Variants in COQ8B observed in about 807,000 individuals in gnomAD.
COQ8B encodes the protein atypical kinase COQ8B, mitochondrial.
In COQ8B, 44 loss-of-function variants were observed where a neutral mutation model predicts 62.0. That is an observed-to-expected ratio of 0.71 (90% CI 0.56 to 0.91). COQ8B has a LOEUF of 0.91. Among genes scored for constraint, COQ8B ranks in the 40% least tolerant of loss-of-function variants. COQ8B has a pLI of 0.00. For synonymous variants in COQ8B, 252 were observed against 289.9 expected (o/e 0.87, Z 1.33); for missense variants, 649 against 731.6 (o/e 0.89, Z 1.30).
intron 13 of COQ8B, 90 bp downstream of exon 13, chr19:40,695,899 G>A (rs1011578995): frequency 7.7e-7 from 1 of 1,305,794 alleles, no homozygotes; most frequent in Non-Finnish European, 1.1e-6. Context: ...CTTAATTCCA[G>A]AAACTGCATT....
At chr19:40,715,288 G>A (rs959982298) in intron 1 of COQ8B, 1 of 986,026 alleles carries the variant, frequency 1.0e-6, no homozygotes, top group Non-Finnish European at 1.2e-6. Flanking sequence ...GAGGCATCGC[G>A]GGAGCGCAAG....
At chr19:40,703,929 A>T in intron 7 of COQ8B, 74 bp from the exon 8 acceptor site, 1 of 1,516,034 alleles carries the variant, frequency 6.6e-7, no homozygotes, top group South Asian at 1.3e-5. Context: ...ACGTGTTGAT[A>T]ACCCCAGCAC....
chr19:40,714,977 G>C (rs866561938), intron 1 of COQ8B: 1 of 1,042,018 alleles, frequency 9.6e-7, no homozygotes, highest in Non-Finnish European at 1.2e-6. Flanking sequence ...GGCCCTGTAG[G>C]CACCCGCAAT....
chr19:40,695,380 A>G (rs1392878044), intron 13 of COQ8B, among the ~76,000 whole-genome samples: 1 of 149,486 alleles, frequency 6.7e-6, no homozygotes, highest in Non-Finnish European at 1.5e-5. Context: ...TGATGGCTAC[A>G]TGATTAGAGG....
At chr19:40,698,683 A>C (rs1474848196) in intron 12 of COQ8B, among the ~76,000 whole-genome samples, 1 of 152,122 alleles carries the variant, frequency 6.6e-6, no homozygotes, top group African/African-American at 2.4e-5. Context: ...GAGGCAAGGG[A>C]CTAGGGCTGG....
chr19:40,712,554 C>T (rs58646265), intron 4 of COQ8B, among the ~76,000 whole-genome samples: 161 of 152,132 alleles, frequency 1.1e-3, no homozygotes, highest in African/African-American at 3.7e-3. Context: ...TGCCACTGCA[C>T]TCCAGTCTGG....
intron 13 of COQ8B, 52 bp downstream of exon 13, chr19:40,695,937 T>C (rs1461327740): frequency 5.1e-6 from 8 of 1,571,092 alleles, no homozygotes; most frequent in Non-Finnish European, 7.0e-6. Flanking sequence ...TGCCTCAGTA[T>C]ATGGCTTGAG....
At chr19:40,705,294 CA>C in intron 6 of COQ8B, 30 bp downstream of exon 6, 1 of 1,585,166 alleles carries the variant, frequency 6.3e-7, no homozygotes, top group East Asian at 2.3e-5. Flanking sequence ...GAAGGGAGGT[CA>C]GGGGTCAGGA....
chr19:40,715,228 TG>T (rs775683736), intron 1 of COQ8B: 273 of 985,436 alleles, frequency 2.8e-4, no homozygotes, highest in Non-Finnish European at 3.2e-4. Context: ...GCCCTAGCGA[TG>T]GAGCCTGGAA....
Position 40,703,351 on chromosome 19 carries a change from A to G in COQ8B, c.799+190T>C, listed in dbSNP as rs116796128. On this transcript the variant is annotated intron_variant, in intron 9 of 14. Coordinates refer to ENST00000324464, the MANE Select transcript of COQ8B (RefSeq NM_024876.4). ...TCTCTCTAAGGCTCTGTTAAAATCC[A>G]TAAGGCTTTTCCCACACCTGCTCAT... 0.034 allele frequency: 20,645 copies of G among 609,612 alleles called. 441 individuals carry two copies. The highest frequency in any genetic ancestry group is 0.068 in the African/African-American group (3,650 of 53,834). 37.8% of individuals were successfully genotyped at this position (609,612 alleles called of 1,614,324 possible).
rs1218126480 is a variant in COQ8B at position 40,702,945 on chromosome 19, C to G, written c.800-252G>C. Among the ~76,000 whole-genome samples, 3 of 148,218 alleles carry G rather than the reference C, an allele frequency of 2.0e-5. No individual in the cohort carries two copies. In the East Asian group the frequency reaches 5.8e-4, roughly 29 times the overall value. On this transcript the variant is annotated intron_variant, in intron 9 of 14. Transcript: ENST00000324464. ...TCCAGGCCTCTGACCTGCATCGTAT[C>G]ATCTGTCTACACATTTCCCTCGTCC...
chr19:40,700,526 G>A, intron 10 of COQ8B, 75 bp from the exon 11 acceptor site: 1 of 1,530,812 alleles, frequency 6.5e-7, no homozygotes, highest in Non-Finnish European at 8.8e-7. Flanking sequence ...TCCTCCTTGT[G>A]CTCTCAGAAG....
Position 40,703,859 on chromosome 19 carries a change from C to T in COQ8B, c.577-4G>A, listed in dbSNP as rs370148686. The stretch of plus-strand genomic sequence containing the variant: ...CGAGCTCCTCTTCAAGAACTCTCTG[C>T]GGGGAGTGGTCACAGCCATCATCAT... On this transcript the variant is annotated splice_polypyrimidine_tract_variant and splice_region_variant and intron_variant, in intron 7 of 14. Transcript: ENST00000324464. 1.6e-5 allele frequency: 26 copies of T among 1,604,070 alleles called. No homozygotes were observed. The highest frequency in any genetic ancestry group is 1.7e-4 in the Middle Eastern group (1 of 6,034).
Position 40,692,273 on chromosome 19 carries a change from A to G in COQ8B, c.1397T>C (p.Ile466Thr), listed in dbSNP as rs138539655. The change falls in exon 15 of 15, where the codon ATA becomes ACA. Residue 466 changes from isoleucine (I) to threonine (T), a missense_variant. Coordinates refer to ENST00000324464, the MANE Select transcript of COQ8B (RefSeq NM_024876.4). Reference sequence around the variant, plus strand: ...CAGCAGCACCGGGATGAGGTCCTGTATGCGGCGGGCCGTTTCCCCCGACCC... The same window carrying G: ...CAGCAGCACCGGGATGAGGTCCTGTGTGCGGCGGGCCGTTTCCCCCGACCC... ...DFGSGETARR[I>T]QDLIPVLLRH... 22 of 1,613,564 alleles carry G rather than the reference A, an allele frequency of 1.4e-5. No individual in the cohort carries two copies. In the African/African-American group the frequency reaches 2.1e-4, roughly 16 times the overall value.
intron 11 of COQ8B, 28 bp downstream of exon 11, chr19:40,700,282 C>G (rs1490664314): frequency 1.2e-6 from 2 of 1,611,708 alleles, no homozygotes; most frequent in Admixed American, 1.7e-5. Flanking sequence ...GGGCCATGCC[C>G]TTCCCACTGT....
chr19:40,697,685 A>G (rs551733333), intron 12 of COQ8B, among the ~76,000 whole-genome samples: 31 of 151,530 alleles, frequency 2.0e-4, no homozygotes, highest in Non-Finnish European at 4.3e-4. Context: ...AGTCCCAGCT[A>G]GTTGGGAGGC....
chr19:40,705,222 G>T (rs995195939), intron 6 of COQ8B, 41 bp from the exon 7 acceptor site: 4 of 1,607,856 alleles, frequency 2.5e-6, no homozygotes, highest in Non-Finnish European at 3.4e-6. Flanking sequence ...AAGCGAAGAG[G>T]TGAGGAGGGA....
intron 12 of COQ8B, among the ~76,000 whole-genome samples, chr19:40,697,874 A>AGAGAGAGT (rs202234463): frequency 3.1e-5 from 3 of 96,968 alleles, no homozygotes; most frequent in Non-Finnish European, 4.6e-5. Flanking sequence ...AGAGAGAGAG[A>AGAGAGAGT]GAGTTTCTAC....
At chr19:40,715,662 GTC>G in intron 1 of COQ8B, 1 of 966,700 alleles carries the variant, frequency 1.0e-6, no homozygotes, top group Non-Finnish European at 1.2e-6. Flanking sequence ...TGCACACTGA[GTC>G]TCTGTTCCCT....
Sources: gnomAD v4.1 joint callset for allele counts (sites outside exome capture counted in the v4.1 genomes callset) on GRCh38, gnomAD v4.1.1 for gene constraint, MANE v1.5 for transcripts, NCBI Gene and HGNC (gene_info 2026-07-23, HGNC 2026-07-21) for gene names.